CCDC171: variants seen among roughly 807,000 people sequenced by gnomAD.
The protein encoded by CCDC171 is coiled-coil domain containing 171.
Under a neutral mutation model 168.2 loss-of-function variants are expected in CCDC171, and 177 were observed. The ratio of observed to expected loss-of-function variants is 1.05; its 90% CI spans 0.93 to 1.19. The LOEUF is 1.19. Ranked by LOEUF, CCDC171 falls within the 50% of genes most tolerant of loss-of-function variation. The pLI, the probability that CCDC171 is intolerant of heterozygous loss-of-function variation, is 0.00. For synonymous variants in CCDC171, 687 were observed against 540.8 expected, an observed-to-expected ratio of 1.27 and a Z score of -3.75; for missense variants, 1,991 against 1,539.0, an observed-to-expected ratio of 1.29 and a Z score of -4.91.
Position 15,623,485 on chromosome 9 carries a change from A to T in CCDC171, c.822+72A>T, listed in dbSNP as rs557083041. On this transcript the variant is annotated intron_variant, in intron 7 of 25. Coordinates refer to ENST00000380701, the MANE Select transcript of CCDC171 (RefSeq NM_173550.4). ...CATATGCGCGCGCGCGCACACACAC[A>T]CACACACACACACACACACACATAA... The T allele has an allele frequency of 1.3e-5, 7 of 559,904 alleles. No individual in the cohort carries two copies. In the South Asian group the frequency reaches 1.6e-4, roughly 13 times the overall value. 34.7% of individuals were successfully genotyped at this position (559,904 alleles called of 1,614,324 possible).
chr9:15,666,044 C>A, intron 8 of CCDC171, 119 bp from the exon 9 acceptor site: 1 of 825,468 alleles, frequency 1.2e-6, no homozygotes, highest in South Asian at 2.0e-5. Context: ...TAAGCCAAAG[C>A]AGAAAGAAAG....
intron 21 of CCDC171, among the ~76,000 whole-genome samples, chr9:15,790,715 T>A (rs1018192322): frequency 1.8e-4 from 27 of 152,288 alleles, no homozygotes; most frequent in African/African-American, 6.5e-4. Context: ...TCTTCTAGGG[T>A]TTTTATGGTT....
chr9:15,622,402 T>C (rs1288038368), intron 6 of CCDC171, among the ~76,000 whole-genome samples: 2 of 152,210 alleles, frequency 1.3e-5, no homozygotes, highest in Non-Finnish European at 2.9e-5. Flanking sequence ...GAATCTTTGA[T>C]AGAGAATTAT....
intron 21 of CCDC171, among the ~76,000 whole-genome samples, chr9:15,836,753 T>C (rs2060468489): frequency 6.6e-6 from 1 of 152,202 alleles, no homozygotes; most frequent in Non-Finnish European, 1.5e-5. Flanking sequence ...AGCAAGTAAC[T>C]TGACCATTCC....
chr9:15,902,035 ACTTTT>A (rs1821741389), intron 24 of CCDC171, among the ~76,000 whole-genome samples: 1 of 152,130 alleles, frequency 6.6e-6, no homozygotes, highest in East Asian at 1.9e-4. Flanking sequence ...AATCTGTAGA[ACTTTT>A]CTTTGATGGC....
At chr9:15,643,402 A>G (rs1216760516) in intron 7 of CCDC171, among the ~76,000 whole-genome samples, 1 of 152,194 alleles carries the variant, frequency 6.6e-6, no homozygotes, top group Non-Finnish European at 1.5e-5. Flanking sequence ...CTGCTACAGT[A>G]TGCATCATGC....
chr9:15,593,982 G>A, intron 5 of CCDC171, 59 bp from the exon 6 acceptor site: 1 of 1,172,484 alleles, frequency 8.5e-7, no homozygotes, highest in Non-Finnish European at 1.2e-6. Context: ...TTAAACTGGG[G>A]ATGAAGGAAG....
Position 15,628,993 on chromosome 9 carries a change from A to G in CCDC171, c.822+5580A>G, listed in dbSNP as rs193273763. Among the ~76,000 whole-genome samples, 213 of 152,316 alleles carry G rather than the reference A, an allele frequency of 1.4e-3. 1 individual carries two copies. The highest frequency in any genetic ancestry group is 4.4e-3 in the African/African-American group (182 of 41,570). ...GTCCTGTCTGTTAGAAGGAAAACTA[A>G]CAAACAGAAAGGACATCCACACCAA... On this transcript the variant is annotated intron_variant, in intron 7 of 25. Coordinates refer to ENST00000380701, the MANE Select transcript of CCDC171 (RefSeq NM_173550.4).
At chr9:15,980,112 G>T (rs1831746735) in intron 3 of CCDC171, among the ~76,000 whole-genome samples, 1 of 152,080 alleles carries the variant, frequency 6.6e-6, no homozygotes, top group Admixed American at 6.6e-5. Context: ...AAAATATTAA[G>T]ACTGGAAAGA....
chr9:15,804,897 G>T (rs2059003238), intron 21 of CCDC171, among the ~76,000 whole-genome samples: 1 of 151,934 alleles, frequency 6.6e-6, no homozygotes, highest in Non-Finnish European at 1.5e-5. Flanking sequence ...GCTTTTTTTG[G>T]TTGGTAGGCT....
At chr9:15,658,002 GT>G (rs2048064918) in intron 8 of CCDC171, among the ~76,000 whole-genome samples, 2 of 152,154 alleles carry the variant, frequency 1.3e-5, no homozygotes, top group Admixed American at 6.6e-5. Context: ...TTTACATATT[GT>G]TTATGGGTGC....
chr9:15,655,131 A>G (rs2047826988), intron 7 of CCDC171, among the ~76,000 whole-genome samples: 1 of 152,074 alleles, frequency 6.6e-6, no homozygotes, highest in Admixed American at 6.6e-5. Flanking sequence ...ATGTATACCT[A>G]TGTAACTAAC....
intron 14 of CCDC171, among the ~76,000 whole-genome samples, chr9:15,727,197 C>A (rs2053862247): frequency 6.6e-6 from 1 of 152,022 alleles, no homozygotes; most frequent in Non-Finnish European, 1.5e-5. Flanking sequence ...CCTACAAATG[C>A]CCAGTGTGCC....
At chr9:16,072,129 G>C in the CCDC171 span, among the ~76,000 whole-genome samples, 1 of 152,184 alleles carries the variant, frequency 6.6e-6, no homozygotes, top group Non-Finnish European at 1.5e-5. Flanking sequence ...ATGTAAAGTA[G>C]AATGCAAAGC....
chr9:15,681,178 A>T (rs1483035750), intron 10 of CCDC171, among the ~76,000 whole-genome samples: 1 of 152,132 alleles, frequency 6.6e-6, no homozygotes, highest in African/African-American at 2.4e-5. Context: ...TTAACCCATT[A>T]AACACTACTG....
the CCDC171 span, among the ~76,000 whole-genome samples, chr9:16,076,618 C>T: frequency 6.6e-6 from 1 of 152,220 alleles, no homozygotes; most frequent in Non-Finnish European, 1.5e-5. Context: ...GCCCTTCCCT[C>T]AGCACATCTT....
At chr9:15,743,796 C>G (rs2055064872) in intron 16 of CCDC171, among the ~76,000 whole-genome samples, 1 of 152,064 alleles carries the variant, frequency 6.6e-6, no homozygotes, top group Admixed American at 6.6e-5. Flanking sequence ...GTAGACCATG[C>G]TATTTGTTAT....
chr9:16,061,835 G>A (rs1252702480), downstream of CCDC171, among the ~76,000 whole-genome samples: 1 of 152,164 alleles, frequency 6.6e-6, no homozygotes, highest in Non-Finnish European at 1.5e-5. Flanking sequence ...GCAAATTCAG[G>A]TTGGGATAAC....
the CCDC171 span, among the ~76,000 whole-genome samples, chr9:16,071,208 G>T: frequency 1.6e-4 from 24 of 152,210 alleles, no homozygotes; most frequent in Admixed American, 6.5e-5. Flanking sequence ...CTGAGGTCAG[G>T]ATCTACCCCT....
Sources: gnomAD v4.1 joint callset for allele counts (sites outside exome capture counted in the v4.1 genomes callset) on GRCh38, gnomAD v4.1.1 for gene constraint, MANE v1.5 for transcripts, NCBI Gene and HGNC (gene_info 2026-07-23, HGNC 2026-07-21) for gene names.